ANXA4: variants seen among roughly 807,000 people sequenced by gnomAD.
ANXA4 encodes 35-beta calcimedin.
ANXA4 carries 39 observed loss-of-function variants against 49.8 expected under a neutral mutation model. The observed-to-expected ratio is 0.78, with a 90% confidence interval of 0.61 to 1.02. The LOEUF (loss-of-function observed/expected upper bound fraction) is 1.02. Ranked by LOEUF, ANXA4 falls within the 50% of genes least tolerant of loss-of-function variation. The pLI is 0.00. For missense variants in ANXA4, 360 were observed against 410.1 expected, an observed-to-expected ratio of 0.88 and a Z score of 1.05; for synonymous variants, 134 against 152.5, an observed-to-expected ratio of 0.88 and a Z score of 0.89.
intron 2 of ANXA4, among the ~76,000 whole-genome samples, chr2:69,672,404 G>A (rs1677223995): frequency 6.6e-6 from 1 of 151,818 alleles, no homozygotes; most frequent in African/African-American, 2.4e-5. Flanking sequence ...ACTAATTTTT[G>A]TATTTTTAGT....
At chr2:69,719,462 C>T (rs147757635) in intron 2 of ANXA4, among the ~76,000 whole-genome samples, 26,485 of 150,288 alleles carry the variant, frequency 0.18, 7,220 homozygotes, top group African/African-American at 0.59. Context: ...TTTTTTGAGA[C>T]GGAGTCTTGC....
At chr2:69,720,475 A>G (rs1245875454) in intron 2 of ANXA4, among the ~76,000 whole-genome samples, 1 of 152,150 alleles carries the variant, frequency 6.6e-6, no homozygotes, top group African/African-American at 2.4e-5. Context: ...CAGTGAGGGG[A>G]AGAAGTGAGG....
chr2:69,703,667 A>G lies in ANXA4; in HGVS notation n.767-17107A>G, dbSNP rs1302068566. On this transcript the variant is annotated intron_variant and non_coding_transcript_variant, in intron 2 of 3. Transcript: ENST00000418066. ...CAGATAGTCCTGCCATAGTCTCAAC[A>G]CTGTTTTCTGAATAATTCATCTTTC... 3.9e-5 allele frequency among the ~76,000 whole-genome samples: 6 copies of G among 152,156 alleles called. No individual in the cohort carries two copies. The East Asian group carries it at 9.6e-4, about 24-fold the overall frequency.
chr2:69,644,191 T>C (rs1323493111), upstream of ANXA4, among the ~76,000 whole-genome samples: 2 of 56,148 alleles, frequency 3.6e-5, no homozygotes, highest in Admixed American at 2.3e-4. Context: ...CCGCTGTATG[T>C]TCCACCCTTC....
chr2:69,667,550 C>G (rs1352391486), intron 2 of ANXA4, among the ~76,000 whole-genome samples: 2 of 152,078 alleles, frequency 1.3e-5, no homozygotes, highest in Non-Finnish European at 1.5e-5. Context: ...TCTGGCCTAT[C>G]TGTAGAGAAC....
chr2:69,652,043 C>T (rs1027781803), intron 1 of ANXA4, among the ~76,000 whole-genome samples: 14 of 151,980 alleles, frequency 9.2e-5, no homozygotes, highest in African/African-American at 3.4e-4. Flanking sequence ...GATGGAGTCT[C>T]ACTCTATCAC....
intron 2 of ANXA4, among the ~76,000 whole-genome samples, chr2:69,680,996 G>A (rs115128602): frequency 0.015 from 2,245 of 152,136 alleles, 63 homozygotes; most frequent in African/African-American, 0.051. Context: ...TCTTAGTTTG[G>A]TATAAGGATA....
Position 69,820,761 on chromosome 2 carries a change from G to A in ANXA4, c.846G>A (p.Met282Ile). The A allele has an allele frequency of 6.2e-7, 1 of 1,614,138 alleles. No homozygotes were observed. Among genetic ancestry groups the A allele is most frequent in the Non-Finnish European group, 8.5e-7 (1 of 1,180,006 alleles). Residue 282 changes from methionine (M) to isoleucine (I), a missense_variant, in exon 12 of 13, where the codon ATG becomes ATA. By Grantham distance (10) the Met-to-Ile change is conservative. Coordinates refer to ENST00000394295, the MANE Select transcript of ANXA4 (RefSeq NM_001153.5). Reference sequence around the variant, plus strand: ...TGGTTTCTCGAGCAGAAATTGACATGTTGGATATCCGGGCACACTTCAAGA... The same window carrying A: ...TGGTTTCTCGAGCAGAAATTGACATATTGGATATCCGGGCACACTTCAAGA... ...RVMVSRAEID[M>I]LDIRAHFKRL...
chr2:69,757,681 G>A (rs113814476), intron 1 of ANXA4, among the ~76,000 whole-genome samples: 3,971 of 151,794 alleles, frequency 0.026, 180 homozygotes, highest in African/African-American at 0.09. Context: ...GTCCAGGGCC[G>A]GGTGGGGTGG....
intron 3 of ANXA4, among the ~76,000 whole-genome samples, chr2:69,793,156 A>G (rs558177551): frequency 1.2e-4 from 18 of 152,026 alleles, no homozygotes; most frequent in South Asian, 2.1e-4. Flanking sequence ...GGAGGCTGAG[A>G]CAGGAGAATC....
At chr2:69,779,336 G>T (rs1306172371) in intron 1 of ANXA4, among the ~76,000 whole-genome samples, 1 of 152,188 alleles carries the variant, frequency 6.6e-6, no homozygotes, top group Non-Finnish European at 1.5e-5. Context: ...TGCCTTGACA[G>T]CAGGTTCATT....
rs72839808 is a variant in ANXA4, at chr2:69,734,688, T to C, written n.864+13817T>C. Among the ~76,000 whole-genome samples, 229 of 150,558 alleles carry C rather than the reference T, an allele frequency of 1.5e-3. 1 individual carries two copies. The highest frequency in any genetic ancestry group is 2.9e-3 in the Non-Finnish European group (200 of 68,020). ...AACTTAAGATGATTCTTTAGGACAC[T>C]AGGCCACCATTTTCTCAGTTTGCTT... On this transcript the variant is annotated intron_variant and non_coding_transcript_variant, in intron 3 of 3. Coordinates refer to the ANXA4 transcript ENST00000418066.
At chr2:69,706,343 C>A in intron 2 of ANXA4, among the ~76,000 whole-genome samples, 2 of 133,896 alleles carry the variant, frequency 1.5e-5, no homozygotes, top group Admixed American at 8.4e-5. Context: ...CTCTGTCACC[C>A]AGGCTGGGGT....
chr2:69,705,180 C>T (rs1678448887), intron 2 of ANXA4, among the ~76,000 whole-genome samples: 1 of 151,990 alleles, frequency 6.6e-6, no homozygotes, highest in African/African-American at 2.4e-5. Flanking sequence ...ACTGTGGTCC[C>T]AGCTACTTGA....
chr2:69,769,512 G>A (rs1029776961), intron 1 of ANXA4, among the ~76,000 whole-genome samples: 3 of 152,152 alleles, frequency 2.0e-5, no homozygotes, highest in Non-Finnish European at 4.4e-5. Context: ...AGGTTATTGA[G>A]TAGATAAGAT....
At chr2:69,790,776 G>T (rs1672657104) in intron 3 of ANXA4, among the ~76,000 whole-genome samples, 1 of 152,244 alleles carries the variant, frequency 6.6e-6, no homozygotes, top group Non-Finnish European at 1.5e-5. Context: ...TGCAGCCAGA[G>T]ATTCCTGGTT....
chr2:69,721,058 A>T (rs1278805884), intron 3 of ANXA4, among the ~76,000 whole-genome samples: 1 of 152,268 alleles, frequency 6.6e-6, no homozygotes, highest in Non-Finnish European at 1.5e-5. Context: ...TGCTCCTCTA[A>T]GAAACTTGGG....
chr2:69,730,157 T>G (rs972059388), intron 3 of ANXA4, among the ~76,000 whole-genome samples: 2 of 151,934 alleles, frequency 1.3e-5, no homozygotes, highest in Non-Finnish European at 2.9e-5. Context: ...CTGGGCAACA[T>G]AGTGAGACCG....
chr2:69,720,601 A>C (rs1468184564), intron 2 of ANXA4, among the ~76,000 whole-genome samples: 1 of 152,148 alleles, frequency 6.6e-6, no homozygotes, highest in Admixed American at 6.5e-5. Flanking sequence ...ACTTGATCAG[A>C]TTTATGTTTT....
Sources: gnomAD v4.1 joint callset for allele counts (sites outside exome capture counted in the v4.1 genomes callset) on GRCh38, gnomAD v4.1.1 for gene constraint, MANE v1.5 for transcripts, NCBI Gene and HGNC (gene_info 2026-07-23, HGNC 2026-07-21) for gene names.